SCFD1: variants seen among roughly 807,000 people sequenced by gnomAD.
SCFD1 encodes the protein sec1 family domain-containing protein 1.
Under a neutral mutation model 103.2 loss-of-function variants are expected in SCFD1, and 37 were observed. The observed-to-expected ratio is 0.36, with a 90% CI of 0.28 to 0.47. The LOEUF (loss-of-function observed/expected upper bound fraction) is 0.47, where lower values mean the gene tolerates loss of function less well. Ranked by LOEUF, SCFD1 falls within the 20% of genes least tolerant of loss-of-function variation. The pLI, the probability that SCFD1 is intolerant of heterozygous loss-of-function variation, is 1.00. For synonymous variants in SCFD1, 264 were observed against 245.0 expected (o/e 1.08, Z -0.73); for missense variants, 639 against 761.2 (o/e 0.84, Z 1.89).
chr14:30,629,277 CAGAA>C (rs1160152358), intron 2 of SCFD1, among the ~76,000 whole-genome samples: 1 of 152,076 alleles, frequency 6.6e-6, no homozygotes, highest in East Asian at 1.9e-4. Flanking sequence ...ATAACTAGAG[CAGAA>C]AGATTTTTAG....
chr14:30,652,530 T>C (rs1364338793), intron 9 of SCFD1, among the ~76,000 whole-genome samples: 1 of 152,206 alleles, frequency 6.6e-6, no homozygotes, highest in Non-Finnish European at 1.5e-5. Context: ...TTATAATTTA[T>C]GAAACTGTCA....
chr14:30,684,803 C>CTT (rs780577178), intron 14 of SCFD1, among the ~76,000 whole-genome samples: 4,319 of 54,782 alleles, frequency 0.079, 439 homozygotes, highest in African/African-American at 0.14. Context: ...GCAATTGTTT[C>CTT]TTTTTTTTTT....
rs968331625 is a variant in SCFD1, at chr14:30,643,955, G to A, written c.613+550G>A. 14 of 456,344 alleles carry A rather than the reference G, an allele frequency of 3.1e-5. No homozygotes were observed. In the East Asian group the frequency reaches 3.5e-4, roughly 11 times the overall value. The allele number at this position is 456,344 out of a possible 1,614,324, so 28.3% of individuals were successfully genotyped here. A position where few individuals can be genotyped will look rare whatever the true frequency, so the allele number is the denominator to read the frequency against. On this transcript the variant is annotated intron_variant, in intron 7 of 24. Transcript: ENST00000458591. ...TGGGGTTTGGTGTACAAATGAATTC[G>A]TCACCCAGGCCATGGGCATGGTACC...
In SCFD1 at chr14:30,734,872, T is replaced by C. The variant is rs1332230032; in HGVS notation, c.1905+14T>C. The C allele has an allele frequency of 6.3e-7, 1 of 1,591,182 alleles. No individual in the cohort carries two copies. On this transcript the variant is annotated intron_variant, in intron 24 of 24. Coordinates refer to ENST00000458591, the MANE Select transcript of SCFD1 (RefSeq NM_016106.4). Reference sequence around the variant, plus strand: ...TTCATAAAACAGGTAAAGTATACATTTGTTGTTTGTTTCTGTTAACATACC... The same window carrying C: ...TTCATAAAACAGGTAAAGTATACATCTGTTGTTTGTTTCTGTTAACATACC...
intron 6 of SCFD1, among the ~76,000 whole-genome samples, chr14:30,642,803 A>G (rs998784196): frequency 2.0e-5 from 3 of 152,216 alleles, no homozygotes; most frequent in Admixed American, 1.3e-4. Flanking sequence ...TCTGATATTA[A>G]GGTAGTTTGT....
intron 13 of SCFD1, 151 bp downstream of exon 13, chr14:30,674,148 T>A (rs905327699): frequency 1.6e-6 from 1 of 606,852 alleles, no homozygotes; most frequent in Non-Finnish European, 2.9e-6. Flanking sequence ...TGTATTTAGC[T>A]AAATGTTTAA....
intron 14 of SCFD1, among the ~76,000 whole-genome samples, chr14:30,676,905 C>T (rs1250024106): frequency 6.6e-6 from 1 of 152,056 alleles, no homozygotes; most frequent in Non-Finnish European, 1.5e-5. Context: ...AAATTTTTAT[C>T]GTGCTTATTA....
intron 7 of SCFD1, among the ~76,000 whole-genome samples, chr14:30,644,472 T>C (rs1000892313): frequency 2.6e-5 from 4 of 152,216 alleles, no homozygotes; most frequent in African/African-American, 7.2e-5. Context: ...ACCAACAGCG[T>C]ATAAGTGTTC....
chr14:30,670,273 G>T lies in SCFD1; in HGVS notation c.873G>T (p.Arg291Ser), dbSNP rs1194040048. 6.3e-7 allele frequency: 1 copy of T among 1,588,702 alleles called. No individual in the cohort carries two copies. The highest frequency in any genetic ancestry group is 1.2e-5 in the South Asian group (1 of 85,540). ...TTTCCTAGGATTTCCATTTAAACAG[G>T]GTTAATTTGGAAGAATCTTCAGGAG... ...VHDVLDFHLNRVNLEESSGVE... is the reference protein window; with the variant it reads ...VHDVLDFHLNSVNLEESSGVE... Residue 291 changes from arginine to serine, a missense_variant, in exon 11 of 25, where the codon AGG becomes AGT. By Grantham distance (110) the Arg-to-Ser change is moderately radical. Coordinates refer to ENST00000458591, the MANE Select transcript of SCFD1 (RefSeq NM_016106.4).
At chr14:30,655,215 T>C (rs1022284196) in intron 10 of SCFD1, among the ~76,000 whole-genome samples, 1 of 152,148 alleles carries the variant, frequency 6.6e-6, no homozygotes, top group Non-Finnish European at 1.5e-5. Context: ...AAAATGACAT[T>C]TGAGTAAAGA....
chr14:30,727,345 GACA>G (rs1566667355), intron 23 of SCFD1, among the ~76,000 whole-genome samples: 1 of 152,200 alleles, frequency 6.6e-6, no homozygotes, highest in African/African-American at 2.4e-5. Context: ...GCATTTCAGA[GACA>G]ACGTGTCCTA....
Position 30,639,847 on chromosome 14 carries a change from A to G in SCFD1, c.506A>G (p.Glu169Gly). ...TTTGTATTATGTAATCAAAATAAGGAGCTTGTTTCATATCGTGGTATGTAA... is the reference window on the plus strand; with the variant it reads ...TTTGTATTATGTAATCAAAATAAGGGGCTTGTTTCATATCGTGGTATGTAA... Reference protein sequence around the residue: ...DMFVLCNQNKELVSYRAINRP... With the variant: ...DMFVLCNQNKGLVSYRAINRP... The change falls in exon 6 of 25, where the codon GAG (glutamate) becomes GGG (glycine). Residue 169 changes from glutamate to glycine, a missense_variant. Physicochemically the swap from Glu to Gly is moderately conservative, Grantham distance 98. Transcript: ENST00000458591. The G allele has an allele frequency of 6.3e-7, 1 of 1,584,370 alleles. No individual in the cohort carries two copies. The highest frequency in any genetic ancestry group is 8.6e-7 in the Non-Finnish European group (1 of 1,164,996).
rs771097878 is a variant in SCFD1 at position 30,705,803 on chromosome 14, A to C, written c.1491-20A>C. On this transcript the variant is annotated intron_variant, in intron 17 of 24. Coordinates refer to ENST00000458591, the MANE Select transcript of SCFD1 (RefSeq NM_016106.4). ...TAGTTCTAATAATTAGCTTTTAAGT[A>C]CAACTTCCTTCTTTCATAGGGCTTT... 6.2e-7 allele frequency: 1 copy of C among 1,608,514 alleles called. No individual in the cohort carries two copies. Among genetic ancestry groups the C allele is most frequent in the African/African-American group, 1.3e-5 (1 of 74,820 alleles).
In SCFD1 at chr14:30,705,841, C is replaced by A; in HGVS notation, c.1509C>A (p.Ala503=). The A allele has an allele frequency of 6.2e-7, 1 of 1,613,664 alleles. No homozygotes were observed. Among genetic ancestry groups the A allele is most frequent in the Non-Finnish European group, 8.5e-7 (1 of 1,179,738 alleles). ...IKQWKAFTKM[A]SAPASYGSTT... ...TTCATAGGGCTTTTACCAAGATGGC[C>A]TCAGCTCCGGCCAGCTATGGCAGCA... Residue 503 remains alanine (A), a synonymous_variant, in exon 18 of 25, where the codon GCC becomes GCA. Coordinates refer to ENST00000458591, the MANE Select transcript of SCFD1 (RefSeq NM_016106.4).
At chr14:30,665,401 A>T (rs1356089036) in intron 10 of SCFD1, among the ~76,000 whole-genome samples, 2 of 152,334 alleles carry the variant, frequency 1.3e-5, no homozygotes, top group Non-Finnish European at 2.9e-5. Flanking sequence ...AGCACTAAAC[A>T]TGGAAAGGAA....
At chr14:30,634,774 T>A (rs1313773515) in intron 4 of SCFD1, 1 of 455,586 alleles carries the variant, frequency 2.2e-6, no homozygotes, top group Non-Finnish European at 4.4e-6. Context: ...TTCCTTGTCT[T>A]GCTTGTCGCT....
intron 1 of SCFD1, among the ~76,000 whole-genome samples, chr14:30,624,600 T>C (rs1883196177): frequency 6.6e-6 from 1 of 152,238 alleles, no homozygotes; most frequent in Non-Finnish European, 1.5e-5. Context: ...CTGTCCACCA[T>C]GAATTTCTGC....
chr14:30,653,651 TAA>T, intron 10 of SCFD1, 63 bp downstream of exon 10: 1 of 1,115,120 alleles, frequency 9.0e-7, no homozygotes, highest in Non-Finnish European at 1.3e-6. Context: ...CCCTTTAATT[TAA>T]AATTAACATC....
At chr14:30,642,052 A>G (rs1885330141) in intron 6 of SCFD1, among the ~76,000 whole-genome samples, 1 of 152,150 alleles carries the variant, frequency 6.6e-6, no homozygotes, top group Admixed American at 6.5e-5. Context: ...GCCTATTTGC[A>G]TTAGAATTGC....
Sources: gnomAD v4.1 joint callset for allele counts (sites outside exome capture counted in the v4.1 genomes callset) on GRCh38, gnomAD v4.1.1 for gene constraint, MANE v1.5 for transcripts, NCBI Gene and HGNC (gene_info 2026-07-23, HGNC 2026-07-21) for gene names.